The following MAST2 variants were observed in gnomAD, a reference collection of about 807,000 sequenced individuals.
The protein encoded by MAST2 is microtubule associated serine/threonine kinase 2.
Under a neutral mutation model 147.4 loss-of-function variants are expected in MAST2, and 70 were observed. The observed-to-expected ratio is 0.47, with a 90% confidence interval of 0.39 to 0.58. The LOEUF is 0.58. Among genes scored for constraint, MAST2 ranks in the 20% least tolerant of loss-of-function variants. The probability of loss-of-function intolerance (pLI) is 0.00; values close to 1 mark genes in which losing one functional copy is unlikely to be tolerated. For missense variants in MAST2, 2,080 were observed against 2,302.3 expected (o/e 0.90, Z 1.98); for synonymous variants, 869 against 896.8 (o/e 0.97, Z 0.55).
chr1:46,008,733 G>A (rs776218462), intron 9 of MAST2, among the ~76,000 whole-genome samples: 9 of 152,192 alleles, frequency 5.9e-5, no homozygotes, highest in Non-Finnish European at 8.8e-5. Context: ...CCATGAGTCA[G>A]GGTTCACTCA....
chr1:45,996,838 T>A (rs965948726), intron 5 of MAST2, among the ~76,000 whole-genome samples: 1 of 152,110 alleles, frequency 6.6e-6, no homozygotes, highest in African/African-American at 2.4e-5. Context: ...AAACATACTA[T>A]CCAAGAGAAA....
intron 3 of MAST2, among the ~76,000 whole-genome samples, chr1:45,840,264 T>C (rs535009490): frequency 6.6e-6 from 1 of 152,354 alleles, no homozygotes; most frequent in East Asian, 1.9e-4. Context: ...TTAATACATA[T>C]CACTACCTTC....
At chr1:45,813,591 C>T (rs180811048) in intron 1 of MAST2, among the ~76,000 whole-genome samples, 12 of 151,394 alleles carry the variant, frequency 7.9e-5, no homozygotes, top group Admixed American at 4.0e-4. Flanking sequence ...CTCTGCCTTC[C>T]GGATTCAAAC....
At chr1:46,021,631 C>G (rs1646184258) in intron 11 of MAST2, among the ~76,000 whole-genome samples, 1 of 152,214 alleles carries the variant, frequency 6.6e-6, no homozygotes, top group Non-Finnish European at 1.5e-5. Flanking sequence ...TCTGAATACA[C>G]CAGACAGTGC....
intron 4 of MAST2, among the ~76,000 whole-genome samples, chr1:45,949,480 C>T (rs558717897): frequency 5.3e-5 from 8 of 152,188 alleles, no homozygotes; most frequent in Admixed American, 6.5e-5. Flanking sequence ...TCAATATCAC[C>T]GAGCATTAGA....
intron 3 of MAST2, among the ~76,000 whole-genome samples, chr1:45,845,709 A>G (rs1358964405): frequency 6.6e-6 from 1 of 152,210 alleles, no homozygotes; most frequent in Non-Finnish European, 1.5e-5. Flanking sequence ...ACTTTTCACA[A>G]TAAAAAAGCA....
At chr1:45,892,460 G>T (rs769320112) in intron 4 of MAST2, among the ~76,000 whole-genome samples, 1 of 152,084 alleles carries the variant, frequency 6.6e-6, no homozygotes, top group African/African-American at 2.4e-5. Context: ...AGTTCATACC[G>T]TTCTGTGTAC....
chr1:45,961,153 A>G (rs1262562857), intron 5 of MAST2, among the ~76,000 whole-genome samples: 1 of 152,096 alleles, frequency 6.6e-6, no homozygotes, highest in Non-Finnish European at 1.5e-5. Context: ...TTTAGAAGAT[A>G]CCACCAAGAG....
At chr1:46,017,501 G>T (rs1646003522) in intron 10 of MAST2, among the ~76,000 whole-genome samples, 1 of 152,120 alleles carries the variant, frequency 6.6e-6, no homozygotes. Flanking sequence ...TCAAAAAGTG[G>T]GCGAAGGACA....
At chr1:45,879,397 A>G (rs1288541488) in intron 3 of MAST2, among the ~76,000 whole-genome samples, 2 of 152,012 alleles carry the variant, frequency 1.3e-5, no homozygotes, top group Non-Finnish European at 1.5e-5. Context: ...ATATGGTGAA[A>G]ACCCATCTCT....
rs1645676931 is a variant in MAST2 at position 45,853,170 on chromosome 1, T to C, written c.468+23589T>C. 3.3e-5 allele frequency among the ~76,000 whole-genome samples: 5 copies of C among 152,214 alleles called. No homozygotes were observed. In the South Asian group the frequency reaches 1.0e-3, roughly 32 times the overall value. On this transcript the variant is annotated intron_variant, in intron 3 of 28. Transcript: ENST00000361297. ...GTCTCGAACTCCTGAGCTCAGGTGA[T>C]CCACCTGCCTTGGCCTCCCAAAGTG...
At chr1:45,846,588 G>A (rs1359051070) in intron 3 of MAST2, among the ~76,000 whole-genome samples, 1 of 152,048 alleles carries the variant, frequency 6.6e-6, no homozygotes. Flanking sequence ...TTGGGAGTCC[G>A]AGGCAGGTGA....
intron 15 of MAST2, 195 bp downstream of exon 15, chr1:46,024,175 T>C: frequency 3.4e-6 from 2 of 584,660 alleles, no homozygotes; most frequent in African/African-American, 1.9e-5. Context: ...GCCTCTACCA[T>C]GAGAGGCATT....
At chr1:45,927,427 C>T (rs1654556080) in intron 4 of MAST2, among the ~76,000 whole-genome samples, 2 of 152,128 alleles carry the variant, frequency 1.3e-5, no homozygotes, top group African/African-American at 2.4e-5. Context: ...AGACAGGCCA[C>T]GCCCAGGGGG....
At chr1:45,864,419 A>G (rs1273923307) in intron 3 of MAST2, among the ~76,000 whole-genome samples, 1 of 152,222 alleles carries the variant, frequency 6.6e-6, no homozygotes. Flanking sequence ...GTTACTGTCC[A>G]AGAAGTGAAG....
At chr1:45,934,255 T>A (rs1450501657) in intron 4 of MAST2, among the ~76,000 whole-genome samples, 1 of 152,176 alleles carries the variant, frequency 6.6e-6, no homozygotes, top group Non-Finnish European at 1.5e-5. Flanking sequence ...TAATTTCCGG[T>A]GGGCGGATCA....
intron 3 of MAST2, among the ~76,000 whole-genome samples, chr1:45,869,937 T>TTGTTTGTG (rs1646313151): frequency 6.6e-6 from 1 of 152,142 alleles, no homozygotes; most frequent in Admixed American, 6.5e-5. Context: ...GTTTGTTTGT[T>TTGTTTGTG]TTTGAGACAG....
intron 4 of MAST2, among the ~76,000 whole-genome samples, chr1:45,941,987 C>G (rs1359326982): frequency 6.6e-6 from 1 of 152,196 alleles, no homozygotes; most frequent in African/African-American, 2.4e-5. Context: ...TTTATAACAT[C>G]AGTGCAAATG....
chr1:45,950,499 C>T (rs150020506), intron 4 of MAST2, among the ~76,000 whole-genome samples: 2 of 152,234 alleles, frequency 1.3e-5, no homozygotes, highest in African/African-American at 4.8e-5. Context: ...AAGACGTCTC[C>T]CTTGAAAATT....
Sources: gnomAD v4.1 joint callset for allele counts (sites outside exome capture counted in the v4.1 genomes callset) on GRCh38, gnomAD v4.1.1 for gene constraint, MANE v1.5 for transcripts, NCBI Gene and HGNC (gene_info 2026-07-23, HGNC 2026-07-21) for gene names.